LINGO1: variants seen among roughly 807,000 people sequenced by gnomAD.
LINGO1 encodes the protein leucine rich repeat and Ig domain containing 1, also known as leucine-rich repeat and immunoglobulin-like domain-containing nogo receptor-interacting protein 1.
A neutral mutation model predicts 37.3 loss-of-function variants in LINGO1; 11 were observed. That is an observed-to-expected ratio of 0.29 (90% CI 0.19 to 0.49). The LOEUF (loss-of-function observed/expected upper bound fraction) is 0.49, where lower values mean the gene tolerates loss of function less well. Among genes scored for constraint, LINGO1 ranks in the 20% least tolerant of loss-of-function variants. The pLI is 0.99. For synonymous variants in LINGO1, 387 were observed against 403.0 expected, an observed-to-expected ratio of 0.96 and a Z score of 0.48; for missense variants, 585 against 878.2, an observed-to-expected ratio of 0.67 and a Z score of 4.22.
chr15:77,619,741 T>TAAAATAAAATAAAATAAAATAAAAAA (rs1324687505), intron 1 of LINGO1, among the ~76,000 whole-genome samples: 5 of 141,944 alleles, frequency 3.5e-5, no homozygotes, highest in Admixed American at 2.1e-4. Flanking sequence ...TAAAATAAAA[T>TAAAATAAAATAAAATAAAATAAAAAA]AAAAAAGAAA....
At chr15:77,818,297 T>C (rs914345449) in intron 1 of LINGO1, among the ~76,000 whole-genome samples, 2 of 152,226 alleles carry the variant, frequency 1.3e-5, no homozygotes, top group African/African-American at 4.8e-5. Context: ...GGCACCATCT[T>C]GGACCACAGC....
chr15:77,771,472 A>G (rs543517798), intron 1 of LINGO1, among the ~76,000 whole-genome samples: 1 of 152,190 alleles, frequency 6.6e-6, no homozygotes, highest in East Asian at 1.9e-4. Flanking sequence ...GGTCAGGGCA[A>G]GAGTCTGCAA....
intron 1 of LINGO1, among the ~76,000 whole-genome samples, chr15:77,809,650 C>T (rs1291694775): frequency 6.6e-6 from 1 of 152,300 alleles, no homozygotes; most frequent in South Asian, 2.1e-4. Flanking sequence ...ACCAAGGACC[C>T]GTGCTGTTTC....
At chr15:77,807,344 G>A (rs1033577520) in intron 1 of LINGO1, among the ~76,000 whole-genome samples, 1 of 152,232 alleles carries the variant, frequency 6.6e-6, no homozygotes, top group Non-Finnish European at 1.5e-5. Flanking sequence ...CCCAGTGCTT[G>A]GCAAAGTGCC....
At chr15:77,769,674 G>A (rs2141399557) in intron 1 of LINGO1, among the ~76,000 whole-genome samples, 1 of 152,192 alleles carries the variant, frequency 6.6e-6, no homozygotes, top group East Asian at 1.9e-4. Context: ...ACCCACCCCT[G>A]GGGGACAGGA....
At chr15:77,659,723 C>G (rs936983455) in intron 3 of LINGO1, among the ~76,000 whole-genome samples, 10 of 152,116 alleles carry the variant, frequency 6.6e-5, no homozygotes, top group Non-Finnish European at 1.0e-4. Flanking sequence ...CCATGGGGGG[C>G]TGGATGGGAT....
At chr15:77,690,181 C>A (rs147783831) in intron 2 of LINGO1, among the ~76,000 whole-genome samples, 1 of 152,308 alleles carries the variant, frequency 6.6e-6, no homozygotes, top group East Asian at 1.9e-4. Flanking sequence ...TTCCTGGTAA[C>A]ATGGTTGGGG....
intron 1 of LINGO1, among the ~76,000 whole-genome samples, chr15:77,809,495 T>C (rs1274052441): frequency 6.6e-6 from 1 of 152,224 alleles, no homozygotes; most frequent in Non-Finnish European, 1.5e-5. Context: ...TCCAGGTCCC[T>C]CTGGGATCTA....
At chr15:77,772,855 G>A (rs1026513140) in intron 1 of LINGO1, among the ~76,000 whole-genome samples, 1 of 152,156 alleles carries the variant, frequency 6.6e-6, no homozygotes, top group Non-Finnish European at 1.5e-5. Context: ...GGCTCAGGGG[G>A]CGCGCCTTAG....
chr15:77,734,444 T>C (rs1283655406), intron 2 of LINGO1, among the ~76,000 whole-genome samples: 1 of 152,018 alleles, frequency 6.6e-6, no homozygotes, highest in African/African-American at 2.4e-5. Context: ...GGGGTCAGCC[T>C]TGCCGCCCCT....
At chr15:77,724,661 T>C (rs144929239) in intron 2 of LINGO1, among the ~76,000 whole-genome samples, 46 of 152,220 alleles carry the variant, frequency 3.0e-4, no homozygotes, top group Middle Eastern at 6.8e-3. Context: ...TGGTGAGGAA[T>C]GGATGAGGGG....
chr15:77,790,710 G>T (rs566246551), upstream of LINGO1, among the ~76,000 whole-genome samples: 3 of 152,190 alleles, frequency 2.0e-5, no homozygotes, highest in Non-Finnish European at 4.4e-5. Flanking sequence ...GGTTTGGGGG[G>T]GTGGAAAAGG....
intron 1 of LINGO1, among the ~76,000 whole-genome samples, chr15:77,754,786 G>A (rs1053338804): frequency 2.6e-5 from 4 of 152,234 alleles, no homozygotes; most frequent in Admixed American, 2.0e-4. Context: ...CCTATCAGAG[G>A]GCCACGGTGA....
chr15:77,624,158 G>T (rs2074018448), intron 1 of LINGO1, among the ~76,000 whole-genome samples: 1 of 100,756 alleles, frequency 9.9e-6, no homozygotes, highest in African/African-American at 4.8e-5. Flanking sequence ...GTGTGTGAGT[G>T]GCCTCTGTGT....
intron 2 of LINGO1, among the ~76,000 whole-genome samples, chr15:77,685,691 T>TAAA (rs74752846): frequency 0.15 from 20,263 of 137,472 alleles, 2,011 homozygotes; most frequent in African/African-American, 0.28. Flanking sequence ...GACCCCGTCT[T>TAAA]AAAAAAAAAA....
rs115733704 is a variant in LINGO1 at position 77,664,832 on chromosome 15, G to C, written c.-13+12257C>G. ...ATCTGACTCCAGTGGGAGGGGAAGGGTGTGTCCCTGTGGGGCTGCTGGCCG... is the reference window on the plus strand; with the variant it reads ...ATCTGACTCCAGTGGGAGGGGAAGGCTGTGTCCCTGTGGGGCTGCTGGCCG... On this transcript the variant is annotated intron_variant, in intron 3 of 3. Transcript: ENST00000559893. Among the ~76,000 whole-genome samples the C allele has an allele frequency of 8.0e-3, 1,222 of 152,330 alleles. 9 individuals carry two copies. Among genetic ancestry groups the C allele is most frequent in the African/African-American group, 0.024 (984 of 41,570 alleles).
At chr15:77,700,401 A>G (rs768497855), upstream of LINGO1, among the ~76,000 whole-genome samples, 18 of 152,226 alleles carry the variant, frequency 1.2e-4, no homozygotes, top group Non-Finnish European at 2.1e-4. Flanking sequence ...CCCCTCTGTG[A>G]AATGGGATTT....
intron 3 of LINGO1, among the ~76,000 whole-genome samples, chr15:77,660,699 A>G (rs2074971527): frequency 6.6e-6 from 1 of 152,250 alleles, no homozygotes; most frequent in South Asian, 2.1e-4. Flanking sequence ...CACAGTGTTT[A>G]GAACAGTGCC....
chr15:77,777,693 G>A (rs1019068939), intron 1 of LINGO1, among the ~76,000 whole-genome samples: 3 of 152,240 alleles, frequency 2.0e-5, no homozygotes, highest in Non-Finnish European at 4.4e-5. Context: ...TTGGGAGCCC[G>A]CGGCAGGAGG....
Sources: allele counts gnomAD v4.1 joint callset (sites outside exome capture counted in the v4.1 genomes callset), GRCh38; gene constraint gnomAD v4.1.1; transcripts MANE v1.5; gene names NCBI Gene and HGNC (gene_info 2026-07-23, HGNC 2026-07-21).